ALKBH5: variants seen among roughly 807,000 people sequenced by gnomAD.
The protein encoded by ALKBH5 is alkB homolog 5, RNA demethylase, also known as RNA demethylase ALKBH5.
A neutral mutation model predicts 32.1 loss-of-function variants in ALKBH5; 2 were observed. The observed-to-expected ratio is 0.06, with a 90% CI of 0.03 to 0.20. ALKBH5 has a LOEUF of 0.20. Ranked by LOEUF, ALKBH5 falls within the 10% of genes least tolerant of loss-of-function variation. ALKBH5 has a pLI of 1.00. For synonymous variants in ALKBH5, 300 were observed against 231.7 expected, an observed-to-expected ratio of 1.29 and a Z score of -2.68; for missense variants, 352 against 559.5, an observed-to-expected ratio of 0.63 and a Z score of 3.74.
intron 2 of ALKBH5, among the ~76,000 whole-genome samples, chr17:18,204,541 C>A (rs567177181): frequency 9.2e-5 from 14 of 152,050 alleles, no homozygotes; most frequent in African/African-American, 3.4e-4. Flanking sequence ...ATGGGCAGAT[C>A]GCTTGAGCCC....
chr17:18,189,588 T>C (rs1036894023), intron 1 of ALKBH5, among the ~76,000 whole-genome samples: 3 of 152,176 alleles, frequency 2.0e-5, no homozygotes, highest in African/African-American at 2.4e-5. Flanking sequence ...GATGGGCTTT[T>C]CTTCCTACCG....
chr17:18,193,151 C>T (rs185071097), intron 1 of ALKBH5, among the ~76,000 whole-genome samples: 27 of 152,118 alleles, frequency 1.8e-4, no homozygotes, highest in Admixed American at 3.9e-4. Context: ...CGTGAGCCAC[C>T]GTGCCTAGCC....
intron 2 of ALKBH5, among the ~76,000 whole-genome samples, chr17:18,196,361 A>G (rs1302137808): frequency 1.3e-5 from 2 of 152,170 alleles, no homozygotes; most frequent in African/African-American, 4.8e-5. Flanking sequence ...AGCTGGGACT[A>G]TAGGCGTGTG....
rs998660180 is a variant in ALKBH5 at position 18,184,007 on chromosome 17, G to C, written c.-237G>C. ...TGCCGGCGCCCCTGCCCCGCGGGAC[G>C]TGGAGAAGGTGGAGGAGGAAGAAGC... On this transcript the variant is annotated 5_prime_UTR_variant, in exon 1 of 4. Transcript: ENST00000399138. 2 of 663,534 alleles carry C rather than the reference G, an allele frequency of 3.0e-6. No individual in the cohort carries two copies. The highest frequency in any genetic ancestry group is 1.9e-5 in the African/African-American group (1 of 53,840). 41.1% of individuals were successfully genotyped at this position (663,534 alleles called of 1,614,324 possible). A position where few individuals can be genotyped will look rare whatever the true frequency, so the allele number is the denominator to read the frequency against.
intron 2 of ALKBH5, chr17:18,206,454 C>T (rs1268252346): frequency 5.4e-6 from 1 of 184,730 alleles, no homozygotes; most frequent in African/African-American, 2.4e-5. Context: ...CGTTGGTCCT[C>T]TGGCAAATGA....
chr17:18,185,036 G>A (rs2047129568), intron 1 of ALKBH5, 23 bp downstream of exon 1: 1 of 1,591,838 alleles, frequency 6.3e-7, no homozygotes, highest in Non-Finnish European at 8.5e-7. Flanking sequence ...GGTGGAGGGG[G>A]CGGCCCTGCG....
chr17:18,208,502 TTTTTTG>T lies in ALKBH5; in HGVS notation c.*112_*117del, dbSNP rs770057075. 113 of 1,262,006 alleles carry T rather than the reference TTTTTTG, an allele frequency of 9.0e-5. 1 individual carries two copies. Among genetic ancestry groups the T allele is most frequent in the Admixed American group, 1.9e-4 (9 of 47,618 alleles). 78.2% of individuals were successfully genotyped at this position (1,262,006 alleles called of 1,614,324 possible). A position where few individuals can be genotyped will look rare whatever the true frequency, so the allele number is the denominator to read the frequency against. On this transcript the variant is annotated 3_prime_UTR_variant, in exon 4 of 4. Transcript: ENST00000399138. The stretch of plus-strand genomic sequence containing the variant: ...TTCATTGGGGGGTTTTTGTTTTTTG[TTTTTTG>T]TTTTTTTTGATTCTATATATTTTTC...
chr17:18,204,284 T>G (rs1045665086), intron 2 of ALKBH5, among the ~76,000 whole-genome samples: 1 of 152,006 alleles, frequency 6.6e-6, no homozygotes, highest in Non-Finnish European at 1.5e-5. Flanking sequence ...AAACCCCATC[T>G]CTACTAAAAA....
rs779648406 is a variant in ALKBH5 at position 18,208,570 on chromosome 17, T to C, written c.*174T>C. The C allele has an allele frequency of 6.6e-5, 52 of 792,300 alleles. 1 individual carries two copies. The South Asian group carries it at 7.5e-4, about 11-fold the overall frequency. The allele number at this position is 792,300 out of a possible 1,614,324, so 49.1% of individuals were successfully genotyped here. On this transcript the variant is annotated 3_prime_UTR_variant, in exon 4 of 4. Coordinates refer to ENST00000399138, the MANE Select transcript of ALKBH5 (RefSeq NM_017758.4). ...TGCCTGTTAGGGCTGAAGAATAGAA[T>C]TGGCCAGGACCTAGGTTCTCATATT...
intron 2 of ALKBH5, among the ~76,000 whole-genome samples, chr17:18,204,449 T>TA (rs35918446): frequency 1.4e-3 from 195 of 142,480 alleles, no homozygotes; most frequent in East Asian, 3.1e-3. Flanking sequence ...AAAACTCTCT[T>TA]AAAAAAAAAA....
chr17:18,186,168 A>G (rs2047137877), intron 1 of ALKBH5, among the ~76,000 whole-genome samples: 2 of 152,176 alleles, frequency 1.3e-5, no homozygotes, highest in South Asian at 4.1e-4. Flanking sequence ...AATGTCCAAG[A>G]CGTCCTGGTG....
intron 2 of ALKBH5, among the ~76,000 whole-genome samples, chr17:18,201,802 T>TGGGATAGATA (rs1555551025): frequency 4.1e-4 from 23 of 56,334 alleles, no homozygotes; most frequent in African/African-American, 1.6e-3. Context: ...ATAAGATAGA[T>TGGGATAGATA]AGATAGATAG....
At chr17:18,202,233 A>G (rs11868832) in intron 2 of ALKBH5, among the ~76,000 whole-genome samples, 32,067 of 151,570 alleles carry the variant, frequency 0.21, 3,698 homozygotes, top group Middle Eastern at 0.32. Context: ...GCATGAACCC[A>G]GGAGGCGGAG....
intron 2 of ALKBH5, among the ~76,000 whole-genome samples, chr17:18,205,296 A>G (rs1555551214): frequency 6.6e-6 from 1 of 152,210 alleles, no homozygotes; most frequent in Non-Finnish European, 1.5e-5. Flanking sequence ...AAACTAGATC[A>G]TCCTCCTGTT....
chr17:18,196,127 A>G (rs2047202563), intron 2 of ALKBH5, among the ~76,000 whole-genome samples: 1 of 151,570 alleles, frequency 6.6e-6, no homozygotes. Context: ...TCCCAAGATC[A>G]TCCTACGTTA....
rs1321925265 is a variant in ALKBH5, at chr17:18,185,027, G to T, written c.770+14G>T. 6.3e-7 allele frequency: 1 copy of T among 1,599,182 alleles called. No homozygotes were observed. Among genetic ancestry groups the T allele is most frequent in the Admixed American group, 1.7e-5 (1 of 59,814 alleles). On this transcript the variant is annotated intron_variant, in intron 1 of 3. Transcript: ENST00000399138. ...GACTGTGCTCAGGTAACCCACCCGG[G>T]TGGAGGGGGCGGCCCTGCGCCTGCT... is the stretch of plus-strand genomic sequence containing the variant.
Position 18,184,040 on chromosome 17 carries a change from T to G in ALKBH5, c.-204T>G, listed in dbSNP as rs2047118460. ...GGTGGAGGAGGAAGAAGCCCCGTTG[T>G]CGCCACCGTTGCATGACCCGCCGCT... On this transcript the variant is annotated 5_prime_UTR_variant, in exon 1 of 4. Coordinates refer to ENST00000399138, the MANE Select transcript of ALKBH5 (RefSeq NM_017758.4). 1 of 676,498 alleles carries G rather than the reference T, an allele frequency of 1.5e-6. No individual in the cohort carries two copies. The highest frequency in any genetic ancestry group is 2.1e-5 in the Admixed American group (1 of 48,468). The allele number at this position is 676,498 out of a possible 1,614,324, so 41.9% of individuals were successfully genotyped here.
chr17:18,205,368 T>G (rs1259386436), intron 2 of ALKBH5, among the ~76,000 whole-genome samples: 1 of 151,854 alleles, frequency 6.6e-6, no homozygotes, highest in African/African-American at 2.4e-5. Context: ...GACTGAAGAG[T>G]CACTCACTGC....
chr17:18,204,634 T>C (rs534133383), intron 2 of ALKBH5, among the ~76,000 whole-genome samples: 17 of 152,004 alleles, frequency 1.1e-4, no homozygotes, highest in African/African-American at 4.1e-4. Context: ...TGGCAGCGGG[T>C]ACCTATAATC....
Sources: gnomAD v4.1 joint callset for allele counts (sites outside exome capture counted in the v4.1 genomes callset) on GRCh38, gnomAD v4.1.1 for gene constraint, MANE v1.5 for transcripts, NCBI Gene and HGNC (gene_info 2026-07-23, HGNC 2026-07-21) for gene names.